Variants in RAPGEF2 observed in about 807,000 individuals in gnomAD.
The protein encoded by RAPGEF2 is Rap guanine nucleotide exchange factor 2, also known as PDZ domain containing guanine nucleotide exchange factor (GEF) 1.
In RAPGEF2, 54 loss-of-function variants were observed where a neutral mutation model predicts 186.7. That is an observed-to-expected ratio of 0.29 (90% CI 0.23 to 0.36). The LOEUF is 0.36. Among genes scored for constraint, RAPGEF2 ranks in the 10% least tolerant of loss-of-function variants. The pLI is 1.00. For missense variants in RAPGEF2, 1,532 were observed against 2,045.0 expected (o/e 0.75, Z 4.84); for synonymous variants, 712 against 705.9 (o/e 1.01, Z -0.14).
At chr4:159,117,961 A>G (rs1312521918) in intron 1 of RAPGEF2, among the ~76,000 whole-genome samples, 1 of 152,148 alleles carries the variant, frequency 6.6e-6, no homozygotes, top group Non-Finnish European at 1.5e-5. Context: ...TTGCTATATT[A>G]TGTTTTTTTT....
chr4:159,259,213 G>A (rs886770910), intron 7 of RAPGEF2, among the ~76,000 whole-genome samples: 8 of 152,262 alleles, frequency 5.3e-5, no homozygotes, highest in African/African-American at 1.4e-4. Flanking sequence ...AATTTAACAT[G>A]TATTGCTTTT....
At chr4:159,221,289 C>T (rs1751520618) in intron 4 of RAPGEF2, among the ~76,000 whole-genome samples, 1 of 152,158 alleles carries the variant, frequency 6.6e-6, no homozygotes, top group Non-Finnish European at 1.5e-5. Flanking sequence ...CTTGTGCTAG[C>T]ATGTGGCTTG....
chr4:159,357,172 C>A (rs1049826538), intron 29 of RAPGEF2, among the ~76,000 whole-genome samples: 5 of 152,114 alleles, frequency 3.3e-5, no homozygotes, highest in African/African-American at 1.2e-4. Context: ...CAAGCCTGGG[C>A]AACATAGTGA....
intron 9 of RAPGEF2, among the ~76,000 whole-genome samples, chr4:159,320,724 A>C (rs1300082403): frequency 6.6e-6 from 1 of 152,158 alleles, no homozygotes; most frequent in Non-Finnish European, 1.5e-5. Context: ...ATCTGGGAAA[A>C]TATATTCACA....
intron 1 of RAPGEF2, among the ~76,000 whole-genome samples, chr4:159,156,872 T>C (rs1400274077): frequency 2.0e-5 from 3 of 152,158 alleles, no homozygotes; most frequent in East Asian, 1.9e-4. Context: ...CAATAAACAA[T>C]ACAAACAAGA....
chr4:159,138,707 T>C (rs189488877), intron 1 of RAPGEF2, among the ~76,000 whole-genome samples: 1 of 152,330 alleles, frequency 6.6e-6, no homozygotes, highest in East Asian at 1.9e-4. Context: ...AAATTATATA[T>C]TGAGTTTGGG....
In RAPGEF2 at chr4:159,272,471, T is replaced by G. The variant is rs139055224; in HGVS notation, c.543+28680T>G. Among the ~76,000 whole-genome samples the G allele has an allele frequency of 2.1e-3, 315 of 152,320 alleles. 1 individual carries two copies. The highest frequency in any genetic ancestry group is 4.0e-3 in the Non-Finnish European group (271 of 68,022). ...TGACTTTGACTTGGTCCTTATCTCT[T>G]CATATTTATCTCTATCTTAATGAAT... On this transcript the variant is annotated intron_variant, in intron 7 of 29. Coordinates refer to ENST00000691494, the MANE Select transcript of RAPGEF2 (RefSeq NM_001394067.2).
chr4:159,113,122 C>T (rs1283281943), intron 1 of RAPGEF2, among the ~76,000 whole-genome samples: 2 of 152,078 alleles, frequency 1.3e-5, no homozygotes, highest in South Asian at 2.1e-4. Flanking sequence ...AAGAAATGCC[C>T]AAGAACTGCC....
intron 2 of RAPGEF2, among the ~76,000 whole-genome samples, chr4:159,190,333 T>C (rs1035971447): frequency 2.6e-5 from 4 of 152,134 alleles, no homozygotes; most frequent in Non-Finnish European, 4.4e-5. Context: ...ACAATAGGCA[T>C]GTAAAGGTGG....
chr4:159,277,867 C>A (rs1489172064), intron 7 of RAPGEF2, among the ~76,000 whole-genome samples: 2 of 152,132 alleles, frequency 1.3e-5, no homozygotes, highest in African/African-American at 4.8e-5. Flanking sequence ...TTCTCCCGTT[C>A]TGTAGGTTGC....
intron 7 of RAPGEF2, among the ~76,000 whole-genome samples, chr4:159,260,382 A>T (rs1205664344): frequency 6.6e-6 from 1 of 152,072 alleles, no homozygotes; most frequent in East Asian, 1.9e-4. Flanking sequence ...ATTACGAGGA[A>T]ATCTTATCCC....
At chr4:159,250,985 T>G (rs893033954) in intron 7 of RAPGEF2, among the ~76,000 whole-genome samples, 1 of 152,212 alleles carries the variant, frequency 6.6e-6, no homozygotes, top group African/African-American at 2.4e-5. Flanking sequence ...GAGTTCCCAG[T>G]GGGCACAGGC....
intron 7 of RAPGEF2, among the ~76,000 whole-genome samples, chr4:159,245,661 A>G (rs1483869669): frequency 6.6e-6 from 1 of 152,062 alleles, no homozygotes; most frequent in Non-Finnish European, 1.5e-5. Context: ...CATATTAAAA[A>G]TGGAGAGGAG....
chr4:159,350,268 C>G lies in RAPGEF2; in HGVS notation c.3844C>G (p.Pro1282Ala), dbSNP rs1267286106. ...GCAGCTTTCTTCTCCTCCTACTTCT[C>G]CACAGAGTTCTCCAAGGAAAGGTAG... ...SSQLSSPPTS[P>A]QSSPRKGYTL... is the part of the protein sequence containing the mutation. Residue 1282 changes from proline to alanine, a missense_variant, in exon 26 of 30, where the codon CCA becomes GCA. Around this residue, in one of 4 missense-constraint regions of RAPGEF2, gnomAD observed 594 missense variants for 608.5 expected, o/e 0.98. Transcript: ENST00000691494. 6.9e-6 allele frequency: 11 copies of G among 1,584,236 alleles called. No homozygotes were observed. In the African/African-American group the frequency reaches 1.4e-4, roughly 20 times the overall value.
intron 1 of RAPGEF2, among the ~76,000 whole-genome samples, chr4:159,154,477 T>A (rs918149510): frequency 1.3e-5 from 2 of 151,620 alleles, no homozygotes; most frequent in Non-Finnish European, 2.9e-5. Flanking sequence ...CACATTCTTA[T>A]GTTTTTCTCT....
At chr4:159,147,841 C>G (rs1743109334) in intron 1 of RAPGEF2, among the ~76,000 whole-genome samples, 1 of 152,044 alleles carries the variant, frequency 6.6e-6, no homozygotes. Context: ...GAAGAGATTC[C>G]TTTACAGATT....
At position 159,103,756 on chromosome 4, in the gene RAPGEF2, C is replaced by A. The variant is rs1255825795; in HGVS notation, c.-407C>A. The A allele has an allele frequency of 6.6e-6, 1 of 152,580 alleles. No individual in the cohort carries two copies. The highest frequency in any genetic ancestry group is 2.4e-5 in the African/African-American group (1 of 41,472). The allele number at this position is 152,580 out of a possible 1,614,324, so 9.5% of individuals were successfully genotyped here. ...GCCCTCCCCACTGCCACTCGTACCT[C>A]CCTAAAAATAACTCGGGCCCGCTGG... On this transcript the variant is annotated 5_prime_UTR_variant, in exon 1 of 30. Transcript: ENST00000691494.
intron 3 of RAPGEF2, among the ~76,000 whole-genome samples, chr4:159,208,570 G>A (rs1434944275): frequency 1.3e-5 from 2 of 152,174 alleles, no homozygotes; most frequent in African/African-American, 2.4e-5. Flanking sequence ...TCCCAATATC[G>A]TGGAAACATC....
chr4:159,126,889 A>G (rs1740373959), intron 1 of RAPGEF2, among the ~76,000 whole-genome samples: 1 of 152,240 alleles, frequency 6.6e-6, no homozygotes. Context: ...GTAATTGTCA[A>G]GAATCATATT....
Sources: allele counts gnomAD v4.1 joint callset (sites outside exome capture counted in the v4.1 genomes callset), GRCh38; gene constraint gnomAD v4.1.1; regional missense constraint gnomAD v4.1.1; transcripts MANE v1.5; gene names NCBI Gene and HGNC (gene_info 2026-07-23, HGNC 2026-07-21).